Variants in LIN28B observed in about 807,000 individuals in gnomAD.
LIN28B encodes protein lin-28 homolog B.
LIN28B carries 5 observed loss-of-function variants against 21.9 expected under a neutral mutation model. The ratio of observed to expected loss-of-function variants is 0.23; its 90% CI spans 0.12 to 0.48. The LOEUF is 0.48. Ranked by LOEUF, LIN28B falls within the 20% of genes least tolerant of loss-of-function variation. The pLI is 0.98. For synonymous variants in LIN28B, 109 were observed against 111.3 expected (o/e 0.98, Z 0.13); for missense variants, 245 against 310.5 (o/e 0.79, Z 1.58).
At chr6:105,071,508 A>G (rs1380690411) in intron 3 of LIN28B, among the ~76,000 whole-genome samples, 1 of 152,172 alleles carries the variant, frequency 6.6e-6, no homozygotes, top group African/African-American at 2.4e-5. Context: ...TTTTACCAGT[A>G]TGGACAATGC....
chr6:104,978,415 A>G (rs1233213067), intron 2 of LIN28B, among the ~76,000 whole-genome samples: 1 of 152,020 alleles, frequency 6.6e-6, no homozygotes, highest in Non-Finnish European at 1.5e-5. Context: ...TTGAATCCCA[A>G]CTCTAATGCT....
At chr6:104,947,128 T>G (rs1778165290) in intron 2 of LIN28B, among the ~76,000 whole-genome samples, 1 of 152,160 alleles carries the variant, frequency 6.6e-6, no homozygotes, top group South Asian at 2.1e-4. Context: ...TTGGCAATTT[T>G]TATTTTTATT....
chr6:105,056,839 T>C (rs1319195141), intron 3 of LIN28B, among the ~76,000 whole-genome samples: 3 of 152,184 alleles, frequency 2.0e-5, no homozygotes, highest in Non-Finnish European at 2.9e-5. Flanking sequence ...TTCATTGTCT[T>C]CTTGCCCCTT....
intron 2 of LIN28B, among the ~76,000 whole-genome samples, chr6:104,991,805 G>A (rs183407877): frequency 6.6e-6 from 1 of 152,336 alleles, no homozygotes; most frequent in Non-Finnish European, 1.5e-5. Context: ...GCGGTTAGGA[G>A]CTGGAGACCA....
intron 2 of LIN28B, among the ~76,000 whole-genome samples, chr6:104,962,303 G>T (rs184225927): frequency 6.6e-6 from 1 of 151,800 alleles, no homozygotes; most frequent in African/African-American, 2.4e-5. Flanking sequence ...CTGCAATTTA[G>T]CTACCATTAC....
chr6:105,015,170 A>G (rs1321969941), intron 2 of LIN28B, among the ~76,000 whole-genome samples: 1 of 152,126 alleles, frequency 6.6e-6, no homozygotes, highest in East Asian at 1.9e-4. Context: ...TTCTCTTTAT[A>G]ATTCTGTCAG....
intron 3 of LIN28B, among the ~76,000 whole-genome samples, chr6:105,065,172 A>T (rs745846271): frequency 3.3e-5 from 5 of 152,184 alleles, no homozygotes; most frequent in Non-Finnish European, 7.3e-5. Flanking sequence ...GGGATCAGTG[A>T]TCAGAGAAAA....
At chr6:105,009,473 T>C (rs771152974) in intron 2 of LIN28B, among the ~76,000 whole-genome samples, 16 of 152,110 alleles carry the variant, frequency 1.1e-4, no homozygotes, top group East Asian at 1.9e-4. Context: ...AGGCGTGTTA[T>C]TATTTTTACA....
At chr6:105,028,685 A>C (rs1341488583) in intron 3 of LIN28B, among the ~76,000 whole-genome samples, 2 of 152,236 alleles carry the variant, frequency 1.3e-5, no homozygotes, top group African/African-American at 4.8e-5. Flanking sequence ...GTATAGTTTC[A>C]GACATTTAAT....
intron 3 of LIN28B, among the ~76,000 whole-genome samples, chr6:105,063,642 G>GA (rs1298447745): frequency 1.4e-5 from 2 of 145,528 alleles, no homozygotes; most frequent in African/African-American, 2.5e-5. Flanking sequence ...TCTCGGGGGG[G>GA]GGGGGGAAAA....
intron 2 of LIN28B, among the ~76,000 whole-genome samples, chr6:104,937,429 C>G (rs995062842): frequency 2.6e-5 from 4 of 152,144 alleles, no homozygotes; most frequent in Non-Finnish European, 5.9e-5. Context: ...CGCCCGCCAC[C>G]AAGCCTGCCT....
chr6:105,078,391 G>A, intron 3 of LIN28B, 23 bp from the exon 4 acceptor site: 1 of 1,576,432 alleles, frequency 6.3e-7, no homozygotes, highest in Non-Finnish European at 8.6e-7. Flanking sequence ...CTTCTAAGAT[G>A]TTTTCATCTT....
chr6:104,959,552 T>A (rs1380098764), intron 2 of LIN28B, among the ~76,000 whole-genome samples: 2 of 152,192 alleles, frequency 1.3e-5, no homozygotes, highest in African/African-American at 2.4e-5. Context: ...GGTGTGTGTT[T>A]TCCTTTCCTG....
At chr6:104,947,461 A>T (rs1300552235) in intron 2 of LIN28B, among the ~76,000 whole-genome samples, 1 of 152,204 alleles carries the variant, frequency 6.6e-6, no homozygotes, top group Non-Finnish European at 1.5e-5. Flanking sequence ...AATTCATAAT[A>T]GCAGTCATTT....
At chr6:105,075,128 A>G (rs908187796) in intron 3 of LIN28B, among the ~76,000 whole-genome samples, 1 of 152,234 alleles carries the variant, frequency 6.6e-6, no homozygotes, top group Non-Finnish European at 1.5e-5. Flanking sequence ...TATATAATAA[A>G]GTATGAGTAT....
At chr6:105,068,613 A>G (rs1475190995) in intron 3 of LIN28B, among the ~76,000 whole-genome samples, 1 of 152,196 alleles carries the variant, frequency 6.6e-6, no homozygotes, top group East Asian at 1.9e-4. Context: ...AGCCTTCCAA[A>G]CACACGATTT....
chr6:105,023,521 A>AATTATATTATATTATATAT (rs1771203848), intron 2 of LIN28B, among the ~76,000 whole-genome samples: 1 of 1,254 alleles, frequency 8.0e-4, no homozygotes, highest in African/African-American at 1.7e-3. Flanking sequence ...TAATATATAT[A>AATTATATTATATTATATAT]ATTATATTAT....
At chr6:105,076,107 ATTAT>A (rs1772419259) in intron 3 of LIN28B, among the ~76,000 whole-genome samples, 2 of 152,220 alleles carry the variant, frequency 1.3e-5, no homozygotes, top group African/African-American at 4.8e-5. Context: ...AGTAAACTTT[ATTAT>A]TTAATCTTAC....
intron 2 of LIN28B, among the ~76,000 whole-genome samples, chr6:105,015,425 C>G (rs953130598): frequency 4.6e-5 from 7 of 151,948 alleles, no homozygotes; most frequent in Non-Finnish European, 8.8e-5. Context: ...TAAAGTGGCT[C>G]TTTTGTAGAT....
Sources: gnomAD v4.1 joint callset for allele counts (sites outside exome capture counted in the v4.1 genomes callset) on GRCh38, gnomAD v4.1.1 for gene constraint, MANE v1.5 for transcripts, NCBI Gene and HGNC (gene_info 2026-07-23, HGNC 2026-07-21) for gene names.